ANKRD62: variants seen among roughly 807,000 people sequenced by gnomAD.
The protein encoded by ANKRD62 is ankyrin repeat domain-containing protein 62.
In ANKRD62, 61 loss-of-function variants were observed where a neutral mutation model predicts 98.8. That is an observed-to-expected ratio of 0.62 (90% CI 0.50 to 0.76). The LOEUF is 0.76. Ranked by LOEUF, ANKRD62 falls within the 30% of genes least tolerant of loss-of-function variation. ANKRD62 has a pLI of 0.00. For synonymous variants in ANKRD62, 341 were observed against 367.9 expected (o/e 0.93, Z 0.84); for missense variants, 933 against 1,082.9 (o/e 0.86, Z 1.94).
intron 8 of ANKRD62, among the ~76,000 whole-genome samples, chr18:12,112,011 GA>G (rs1460412398): frequency 6.6e-6 from 1 of 150,692 alleles, no homozygotes; most frequent in Non-Finnish European, 1.5e-5. Flanking sequence ...TTGGGAGGCT[GA>G]GGCAAGAGAG....
chr18:12,167,622 AT>A, the ANKRD62 span, among the ~76,000 whole-genome samples: 1 of 152,192 alleles, frequency 6.6e-6, no homozygotes, highest in Non-Finnish European at 1.5e-5. Flanking sequence ...TTATAGGAAC[AT>A]GATTTATAAT....
the ANKRD62 span, among the ~76,000 whole-genome samples, chr18:12,159,538 A>C: frequency 0.011 from 1,667 of 152,326 alleles, 22 homozygotes; most frequent in Middle Eastern, 0.054. Flanking sequence ...TAATCTGCAA[A>C]TTGTCCAATA....
At chr18:12,168,959 C>G in the ANKRD62 span, among the ~76,000 whole-genome samples, 3 of 152,074 alleles carry the variant, frequency 2.0e-5, no homozygotes, top group African/African-American at 7.2e-5. Flanking sequence ...TATAAGAATG[C>G]CTGTGATTTT....
intron 8 of ANKRD62, among the ~76,000 whole-genome samples, chr18:12,113,939 C>T (rs939010539): frequency 1.3e-5 from 2 of 152,038 alleles, no homozygotes; most frequent in Admixed American, 1.3e-4. Flanking sequence ...TACATATATA[C>T]CAGGAAATAT....
the ANKRD62 span, among the ~76,000 whole-genome samples, chr18:12,137,216 T>A: frequency 6.6e-6 from 1 of 152,108 alleles, no homozygotes; most frequent in Non-Finnish European, 1.5e-5. Context: ...TTTTGAGATA[T>A]GTCCCATCAA....
At chr18:12,171,922 G>A in the ANKRD62 span, among the ~76,000 whole-genome samples, 5 of 151,962 alleles carry the variant, frequency 3.3e-5, no homozygotes, top group Admixed American at 6.6e-5. Context: ...CCACTTGATC[G>A]AATTGGCCAC....
the ANKRD62 span, among the ~76,000 whole-genome samples, chr18:12,156,145 C>T: frequency 2.0e-5 from 3 of 151,986 alleles, no homozygotes; most frequent in African/African-American, 4.8e-5. Flanking sequence ...CCCGCCTGCT[C>T]CCCCTTTGCC....
At chr18:12,162,926 C>T in the ANKRD62 span, among the ~76,000 whole-genome samples, 1,691 of 151,970 alleles carry the variant, frequency 0.011, 30 homozygotes, top group African/African-American at 0.039. Context: ...AGCTCTGTTG[C>T]ATAGTTTGAG....
At chr18:12,125,320 CT>C (rs1015962251) in intron 12 of ANKRD62, 139 bp from the exon 13 acceptor site, 176 of 795,684 alleles carry the variant, frequency 2.2e-4, no homozygotes, top group East Asian at 9.3e-4. Flanking sequence ...TTTGATTCAA[CT>C]TTTTTTTTCC....
chr18:12,156,571 A>G, the ANKRD62 span, among the ~76,000 whole-genome samples: 1 of 152,222 alleles, frequency 6.6e-6, no homozygotes, highest in Admixed American at 6.5e-5. Flanking sequence ...CTTATAGAGC[A>G]TCACATAATA....
At chr18:12,170,271 C>G in the ANKRD62 span, among the ~76,000 whole-genome samples, 1 of 152,136 alleles carries the variant, frequency 6.6e-6, no homozygotes, top group Non-Finnish European at 1.5e-5. Context: ...GCATTTAGTG[C>G]CATAAATTTC....
chr18:12,140,675 C>T, the ANKRD62 span, among the ~76,000 whole-genome samples: 4 of 152,278 alleles, frequency 2.6e-5, no homozygotes, highest in East Asian at 7.7e-4. Flanking sequence ...ATTGGTGAAT[C>T]GCAAATGCTG....
At chr18:12,164,125 T>C in the ANKRD62 span, among the ~76,000 whole-genome samples, 6 of 152,104 alleles carry the variant, frequency 3.9e-5, no homozygotes, top group African/African-American at 1.4e-4. Flanking sequence ...AGTGAAGCCA[T>C]TGGGCCTGGG....
At chr18:12,102,748 T>TACA in intron 6 of ANKRD62, 1 of 1,002,962 alleles carries the variant, frequency 1.0e-6, no homozygotes, top group Non-Finnish European at 1.2e-6. Flanking sequence ...ATATTGGAAG[T>TACA]TACTCATAAT....
chr18:12,104,615 G>T (rs1207734444), intron 7 of ANKRD62, among the ~76,000 whole-genome samples: 1 of 152,136 alleles, frequency 6.6e-6, no homozygotes, highest in Non-Finnish European at 1.5e-5. Flanking sequence ...GGTGAAATTT[G>T]TGAAGAATAC....
At chr18:12,127,581 C>T (rs1446648011) in intron 13 of ANKRD62, among the ~76,000 whole-genome samples, 167 bp from the exon 14 acceptor site, 1 of 152,078 alleles carries the variant, frequency 6.6e-6, no homozygotes, top group Admixed American at 6.6e-5. Flanking sequence ...CCTTCTTTAT[C>T]CTTAACTGGA....
At chr18:12,131,347 A>T (rs764843442), downstream of ANKRD62, among the ~76,000 whole-genome samples, 1 of 152,240 alleles carries the variant, frequency 6.6e-6, no homozygotes, top group Non-Finnish European at 1.5e-5. Flanking sequence ...TGAAATAAAT[A>T]TAAATAGTGA....
the ANKRD62 span, among the ~76,000 whole-genome samples, chr18:12,150,869 A>C: frequency 6.6e-6 from 1 of 152,098 alleles, no homozygotes; most frequent in Non-Finnish European, 1.5e-5. Context: ...GACCACTGAC[A>C]CTATAAAGCA....
chr18:12,093,886 A>G lies in ANKRD62; in HGVS notation c.-132A>G. 1.3e-6 allele frequency: 1 copy of G among 788,494 alleles called. No individual in the cohort carries two copies. Among genetic ancestry groups the G allele is most frequent in the Non-Finnish European group, 2.1e-6 (1 of 484,664 alleles). 48.8% of individuals were successfully genotyped at this position (788,494 alleles called of 1,614,324 possible). A position where few individuals can be genotyped will look rare whatever the true frequency, so the allele number is the denominator to read the frequency against. ...GCTCCTCCGAGCAGCTGGAGACTGG[A>G]GTGTCCCTGACGGAGGTTGCGGCTG... On this transcript the variant is annotated 5_prime_UTR_variant, in exon 1 of 14. Coordinates refer to ENST00000587848, the MANE Select transcript of ANKRD62 (RefSeq NM_001277333.2).
Sources: gnomAD v4.1 joint callset for allele counts (sites outside exome capture counted in the v4.1 genomes callset) on GRCh38, gnomAD v4.1.1 for gene constraint, MANE v1.5 for transcripts, NCBI Gene and HGNC (gene_info 2026-07-23, HGNC 2026-07-21) for gene names.